Variants in RBPMS observed in about 807,000 individuals in gnomAD.
The protein encoded by RBPMS is RNA binding protein, mRNA processing factor.
Under a neutral mutation model 26.8 loss-of-function variants are expected in RBPMS, and 7 were observed. That is an observed-to-expected ratio of 0.26 (90% CI 0.15 to 0.49). RBPMS has a LOEUF of 0.49. Among genes scored for constraint, RBPMS ranks in the 20% least tolerant of loss-of-function variants. RBPMS has a pLI of 0.98. For synonymous variants in RBPMS, 96 were observed against 93.3 expected (o/e 1.03, Z -0.17); for missense variants, 186 against 250.0 (o/e 0.74, Z 1.73).
chr8:30,416,694 C>T (rs994378157), intron 1 of RBPMS, among the ~76,000 whole-genome samples: 2 of 152,084 alleles, frequency 1.3e-5, no homozygotes, highest in East Asian at 1.9e-4. Context: ...AGGATGGTCT[C>T]GATCTCCTGA....
rs1379894706 is a variant in RBPMS at position 30,385,125 on chromosome 8, C to T, written c.33C>T (p.Asn11=). 12 of 1,528,416 alleles carry T rather than the reference C, an allele frequency of 7.9e-6. No homozygotes were observed. Among genetic ancestry groups the T allele is most frequent in the Admixed American group, 2.1e-5 (1 of 48,506 alleles). The allele number at this position is 1,528,416 out of a possible 1,614,324, so 94.7% of individuals were successfully genotyped here. Residue 11 remains asparagine (N), a synonymous_variant, in exon 1 of 9, where the codon AAC becomes AAT. Transcript: ENST00000397323. The part of the protein sequence containing the change: MNNGGKAEKE[N]TPSEANLQEE... ...ACGGCGGCAAAGCCGAGAAGGAGAA[C>T]ACCCCGAGCGAGGCCAACCTTCAGG...
intron 1 of RBPMS, among the ~76,000 whole-genome samples, chr8:30,416,246 A>G (rs1220699363): frequency 6.6e-6 from 1 of 152,192 alleles, no homozygotes; most frequent in Non-Finnish European, 1.5e-5. Flanking sequence ...TAGGACATAC[A>G]GTGTTGCTTT....
intron 3 of RBPMS, among the ~76,000 whole-genome samples, chr8:30,478,264 G>A (rs191928117): frequency 4.3e-4 from 66 of 152,160 alleles, no homozygotes; most frequent in African/African-American, 1.4e-3. Flanking sequence ...AACAGAGAAC[G>A]TACAAAATGG....
At chr8:30,445,084 A>G (rs570146783) in intron 1 of RBPMS, 6 of 152,126 alleles carry the variant, frequency 3.9e-5, no homozygotes, top group Admixed American at 6.5e-5. Flanking sequence ...GTTCATGGCT[A>G]TATTACATTT....
chr8:30,550,563 C>T (rs1280899258), intron 6 of RBPMS, among the ~76,000 whole-genome samples: 1 of 152,214 alleles, frequency 6.6e-6, no homozygotes, highest in East Asian at 1.9e-4. Flanking sequence ...GTGGATGACA[C>T]TAACAGGGGC....
At chr8:30,387,213 C>T (rs1410749449) in intron 1 of RBPMS, 1 of 152,012 alleles carries the variant, frequency 6.6e-6, no homozygotes, top group African/African-American at 2.4e-5. Flanking sequence ...ATTTCAGAAC[C>T]CAAGTTGTCC....
chr8:30,541,307 G>A (rs886584340), intron 5 of RBPMS, among the ~76,000 whole-genome samples: 4 of 152,100 alleles, frequency 2.6e-5, no homozygotes, highest in Admixed American at 1.3e-4. Flanking sequence ...CAGTTCTTTC[G>A]TTTCAAAGGG....
chr8:30,444,810 T>C (rs1194989436), intron 1 of RBPMS: 1 of 152,240 alleles, frequency 6.6e-6, no homozygotes, highest in Non-Finnish European at 1.5e-5. Context: ...TTCAAAGATT[T>C]CAGATAAGTT....
chr8:30,486,504 C>G (rs11784328), intron 4 of RBPMS, among the ~76,000 whole-genome samples: 151,195 of 151,598 alleles, frequency 1, 75,396 homozygotes, highest in Middle Eastern at 1. Flanking sequence ...ATGGTGGCGG[C>G]TGCCTGTAAT....
chr8:30,526,707 A>T (rs570937605), intron 5 of RBPMS, among the ~76,000 whole-genome samples: 1 of 152,334 alleles, frequency 6.6e-6, no homozygotes, highest in South Asian at 2.1e-4. Context: ...TCAGGAAATC[A>T]TAACTAATTT....
intron 5 of RBPMS, among the ~76,000 whole-genome samples, chr8:30,518,474 G>A (rs1285166451): frequency 6.6e-6 from 1 of 151,662 alleles, no homozygotes; most frequent in Non-Finnish European, 1.5e-5. Context: ...CTCTTAGGCT[G>A]GAGTGCAGTG....
intron 4 of RBPMS, among the ~76,000 whole-genome samples, chr8:30,497,756 G>A (rs1055028915): frequency 2.0e-5 from 3 of 151,938 alleles, no homozygotes; most frequent in Admixed American, 2.0e-4. Flanking sequence ...CCGAGTAGCT[G>A]GGACTACAGG....
chr8:30,514,417 C>T (rs1822064081), intron 5 of RBPMS, among the ~76,000 whole-genome samples: 2 of 152,074 alleles, frequency 1.3e-5, no homozygotes, highest in African/African-American at 4.8e-5. Flanking sequence ...ATGTGCCTGT[C>T]ACTTCACGGA....
chr8:30,392,520 TG>T (rs1807902845), intron 1 of RBPMS, among the ~76,000 whole-genome samples: 1 of 152,060 alleles, frequency 6.6e-6, no homozygotes. Context: ...AGGGTGGATG[TG>T]CCCCAGAAGG....
chr8:30,561,619 C>CA (rs1827490622), intron 7 of RBPMS, among the ~76,000 whole-genome samples: 1 of 152,144 alleles, frequency 6.6e-6, no homozygotes, highest in African/African-American at 2.4e-5. Flanking sequence ...ATCTGAGAGC[C>CA]AAGAGTCAGC....
chr8:30,554,762 A>G (rs1826709307), intron 6 of RBPMS, among the ~76,000 whole-genome samples: 2 of 152,156 alleles, frequency 1.3e-5, no homozygotes, highest in Non-Finnish European at 2.9e-5. Flanking sequence ...CATTCCCCAG[A>G]GAAGAAAACA....
intron 1 of RBPMS, among the ~76,000 whole-genome samples, chr8:30,416,658 A>G (rs1389990372): frequency 6.6e-6 from 1 of 151,946 alleles, no homozygotes; most frequent in Non-Finnish European, 1.5e-5. Context: ...TATTTTTAGT[A>G]GAGGTGGGGT....
chr8:30,458,572 A>G (rs1815513238), intron 1 of RBPMS, among the ~76,000 whole-genome samples: 1 of 152,216 alleles, frequency 6.6e-6, no homozygotes, highest in African/African-American at 2.4e-5. Flanking sequence ...CAAGAAAAAA[A>G]AAACAAAAAA....
chr8:30,440,826 C>T (rs905672838), intron 1 of RBPMS, among the ~76,000 whole-genome samples: 2 of 148,688 alleles, frequency 1.3e-5, no homozygotes, highest in African/African-American at 2.5e-5. Context: ...TAGGTTTTCA[C>T]TATCTCACCC....
Sources: gnomAD v4.1 joint callset for allele counts (sites outside exome capture counted in the v4.1 genomes callset) on GRCh38, gnomAD v4.1.1 for gene constraint, MANE v1.5 for transcripts, NCBI Gene and HGNC (gene_info 2026-07-23, HGNC 2026-07-21) for gene names.